Variants in KLF13 observed in about 807,000 individuals in gnomAD.
KLF13 encodes the protein KLF transcription factor 13, also known as Krueppel-like factor 13.
In KLF13, 8 loss-of-function variants were observed where a neutral mutation model predicts 16.7. The ratio of observed to expected loss-of-function variants is 0.48; its 90% confidence interval spans 0.28 to 0.87. The LOEUF (loss-of-function observed/expected upper bound fraction) is 0.87, where lower values mean the gene tolerates loss of function less well. Among genes scored for constraint, KLF13 ranks in the 40% least tolerant of loss-of-function variants. The probability of loss-of-function intolerance (pLI) is 0.10; values close to 1 mark genes in which losing one functional copy is unlikely to be tolerated. For synonymous variants in KLF13, 245 were observed against 208.4 expected (o/e 1.18, Z -1.51); for missense variants, 447 against 452.2 (o/e 0.99, Z 0.10).
At chr15:31,342,986 C>T (rs913360219) in intron 1 of KLF13, among the ~76,000 whole-genome samples, 4 of 152,240 alleles carry the variant, frequency 2.6e-5, no homozygotes, top group African/African-American at 7.2e-5. Context: ...TGTGCCTGTT[C>T]CCCAGGCAGG....
chr15:31,377,910 C>T (rs2039675827), downstream of KLF13: 1 of 152,444 alleles, frequency 6.6e-6, no homozygotes, highest in Non-Finnish European at 1.5e-5. Context: ...TTTGCTGGAG[C>T]TAGTTTCTTT....
chr15:31,362,254 G>A (rs2039401602), intron 1 of KLF13, among the ~76,000 whole-genome samples: 1 of 152,178 alleles, frequency 6.6e-6, no homozygotes. Context: ...TAAACTGCTG[G>A]GCCTATCAAA....
chr15:31,329,376 G>A (rs993112274), intron 1 of KLF13, among the ~76,000 whole-genome samples: 2 of 152,140 alleles, frequency 1.3e-5, no homozygotes, highest in Non-Finnish European at 2.9e-5. Context: ...CCGCTTTGGG[G>A]GATGATGCCC....
intron 1 of KLF13, among the ~76,000 whole-genome samples, chr15:31,345,888 C>T (rs1329115963): frequency 6.6e-6 from 1 of 152,126 alleles, no homozygotes; most frequent in East Asian, 1.9e-4. Flanking sequence ...GCAACTGCTC[C>T]CCACCTCTCA....
chr15:31,387,698 A>G (rs2039809733), intron 1 of KLF13, among the ~76,000 whole-genome samples: 2 of 152,236 alleles, frequency 1.3e-5, no homozygotes, highest in African/African-American at 4.8e-5. Context: ...ACAATTTGAC[A>G]GTCTGTGACA....
chr15:31,422,522 TAC>T (rs1491259689), intron 1 of KLF13, among the ~76,000 whole-genome samples: 145,388 of 152,006 alleles, frequency 0.96, 69,598 homozygotes, highest in East Asian at 1. Flanking sequence ...TACCTCCACC[TAC>T]CCTGCCCTTG....
At position 31,335,461 on chromosome 15, in the gene KLF13, GTGTGTGTGTGTGTGTA is replaced by G. The variant is rs1344573434; in HGVS notation, c.577+7675_577+7690del. Reference sequence around the variant, plus strand: ...TGTGTGTGTGTGTGTGTGTGTGTGTGTGTGTGTGTGTGTGTATGGTGGCGGGGCAGGGGGCGGGGGG... The same window carrying G: ...TGTGTGTGTGTGTGTGTGTGTGTGTGTGGTGGCGGGGCAGGGGGCGGGGGG... On this transcript the variant is annotated intron_variant, in intron 1 of 1. Coordinates refer to ENST00000307145, the MANE Select transcript of KLF13 (RefSeq NM_015995.4). Among the ~76,000 whole-genome samples, 146 of 97,572 alleles carry G rather than the reference GTGTGTGTGTGTGTGTA, an allele frequency of 1.5e-3. 1 individual carries two copies. The highest frequency in any genetic ancestry group is 2.2e-3 in the African/African-American group (59 of 26,376). 64.0% of individuals were successfully genotyped at this position (97,572 alleles called of 152,430 possible). A position where few individuals can be genotyped will look rare whatever the true frequency, so the allele number is the denominator to read the frequency against.
At chr15:31,361,625 C>T (rs1370287675) in intron 1 of KLF13, among the ~76,000 whole-genome samples, 1 of 152,052 alleles carries the variant, frequency 6.6e-6, no homozygotes, top group Non-Finnish European at 1.5e-5. Flanking sequence ...AGGAAGTGGG[C>T]CACGATGGTT....
At chr15:31,379,764 A>G (rs2039701712), downstream of KLF13, among the ~76,000 whole-genome samples, 1 of 152,202 alleles carries the variant, frequency 6.6e-6, no homozygotes, top group Non-Finnish European at 1.5e-5. Context: ...TGTGCTGAGC[A>G]GAGATGACAG....
Position 31,327,711 on chromosome 15 carries a change from C to T in KLF13, c.499C>T (p.His167Tyr). ...RADLESPQRK[H>Y]KCHYAGCEKV... ...CGACCTCGAGTCCCCGCAGAGGAAG[C>T]ACAAGTGCCACTACGCGGGCTGCGA... Residue 167 changes from histidine (H) to tyrosine (Y), a missense_variant, in exon 1 of 2, where the codon CAC becomes TAC. Around this residue, in one of 2 missense-constraint regions of KLF13, gnomAD observed 359 missense variants for 282.8 expected, o/e 1.27. Coordinates refer to ENST00000307145, the MANE Select transcript of KLF13 (RefSeq NM_015995.4). 1 of 1,537,198 alleles carries T rather than the reference C, an allele frequency of 6.5e-7. No homozygotes were observed. Among genetic ancestry groups the T allele is most frequent in the Non-Finnish European group, 8.8e-7 (1 of 1,138,326 alleles).
intron 1 of KLF13, among the ~76,000 whole-genome samples, chr15:31,339,599 C>T (rs1447128081): frequency 6.6e-6 from 1 of 152,182 alleles, no homozygotes; most frequent in Non-Finnish European, 1.5e-5. Context: ...GTTCAGATAC[C>T]CACAACTGGT....
chr15:31,424,896 C>CACACACAG (rs1462956828), intron 1 of KLF13, among the ~76,000 whole-genome samples: 2 of 151,808 alleles, frequency 1.3e-5, no homozygotes, highest in Non-Finnish European at 2.9e-5. Context: ...CACACACACA[C>CACACACAG]ACACACACAA....
In KLF13 at chr15:31,327,573, G is replaced by C. The variant is rs1182454765; in HGVS notation, c.361G>C (p.Ala121Pro). 4 of 1,176,992 alleles carry C rather than the reference G, an allele frequency of 3.4e-6. No homozygotes were observed. Among genetic ancestry groups the C allele is most frequent in the Non-Finnish European group, 4.2e-6 (4 of 946,310 alleles). The allele number at this position is 1,176,992 out of a possible 1,614,324, so 72.9% of individuals were successfully genotyped here. A position where few individuals can be genotyped will look rare whatever the true frequency, so the allele number is the denominator to read the frequency against. The change falls in exon 1 of 2, where the codon GCG (alanine) becomes CCG (proline). Residue 121 changes from alanine (A) to proline (P), a missense_variant. By Grantham distance (27) the Ala-to-Pro change is conservative. Coordinates refer to ENST00000307145, the MANE Select transcript of KLF13 (RefSeq NM_015995.4). ...EGAAAAPPSP[A>P]WSEPEPEAGL... ...CGCGGCGGCCGCGCCCCCCAGCCCG[G>C]CGTGGAGCGAGCCGGAGCCCGAGGC...
At chr15:31,429,158 A>C (rs890017382) in intron 1 of KLF13, among the ~76,000 whole-genome samples, 1 of 152,076 alleles carries the variant, frequency 6.6e-6, no homozygotes, top group Non-Finnish European at 1.5e-5. Flanking sequence ...TTGATGACAA[A>C]AAGTGACAGT....
Position 31,383,880 on chromosome 15 carries a change from C to T in KLF13, n.224-51490C>T, listed in dbSNP as rs575016262. Among the ~76,000 whole-genome samples the T allele has an allele frequency of 4.0e-5, 6 of 151,770 alleles. No homozygotes were observed. The East Asian group carries it at 7.8e-4, about 20-fold the overall frequency. On this transcript the variant is annotated intron_variant and non_coding_transcript_variant, in intron 1 of 1. Coordinates refer to the KLF13 transcript ENST00000558921. ...TCACGCCACTGCACTCCAGCCTGGG[C>T]AACAGAGCGAGACTCCGTCTCAAAA...
At chr15:31,349,783 T>G (rs1425304815) in intron 1 of KLF13, among the ~76,000 whole-genome samples, 1 of 152,184 alleles carries the variant, frequency 6.6e-6, no homozygotes, top group Non-Finnish European at 1.5e-5. Context: ...CTGTTTCTCC[T>G]GGGCCTGGAG....
At chr15:31,359,485 G>T (rs2039349347) in intron 1 of KLF13, among the ~76,000 whole-genome samples, 1 of 152,220 alleles carries the variant, frequency 6.6e-6, no homozygotes, top group Admixed American at 6.5e-5. Flanking sequence ...AGCAGTCCCA[G>T]TGGTGAGCTG....
At chr15:31,364,810 G>A (rs188877889) in intron 1 of KLF13, among the ~76,000 whole-genome samples, 283 of 152,316 alleles carry the variant, frequency 1.9e-3, no homozygotes, top group Non-Finnish European at 3.1e-3. Flanking sequence ...GACTTCCTGC[G>A]AAGCCATGTG....
At chr15:31,423,132 C>CATATAT (rs2040355868) in intron 1 of KLF13, among the ~76,000 whole-genome samples, 2 of 50,828 alleles carry the variant, frequency 3.9e-5, no homozygotes, top group Non-Finnish European at 7.4e-5. Flanking sequence ...CGTATATATA[C>CATATAT]GTATACGTAT....
Sources: gnomAD v4.1 joint callset for allele counts (sites outside exome capture counted in the v4.1 genomes callset) on GRCh38, gnomAD v4.1.1 for gene constraint, gnomAD v4.1.1 regional missense constraint, MANE v1.5 for transcripts, NCBI Gene and HGNC (gene_info 2026-07-23, HGNC 2026-07-21) for gene names.